WT1: variants seen among roughly 807,000 people sequenced by gnomAD.
WT1 encodes the protein Wilms tumor protein.
Under a neutral mutation model 60.8 loss-of-function variants are expected in WT1, and 8 were observed. The observed-to-expected ratio is 0.13, with a 90% CI of 0.08 to 0.24. WT1 has a LOEUF of 0.24. Ranked by LOEUF, WT1 falls within the 10% of genes least tolerant of loss-of-function variation. The pLI is 1.00. For missense variants in WT1, 568 were observed against 711.8 expected (o/e 0.80, Z 2.30); for synonymous variants, 312 against 297.1 (o/e 1.05, Z -0.52).
At chr11:32,431,293 C>T (rs1853300633) in intron 1 of WT1, among the ~76,000 whole-genome samples, 1 of 152,170 alleles carries the variant, frequency 6.6e-6, no homozygotes, top group Admixed American at 6.5e-5. Flanking sequence ...CCTGTGTGAC[C>T]GGAAGAGGGA....
At chr11:32,430,925 G>T in intron 1 of WT1, 1 of 1,027,272 alleles carries the variant, frequency 9.7e-7, no homozygotes. Flanking sequence ...GAGTGCGGGG[G>T]CAGGGGCCAG....
chr11:32,430,818 G>A, intron 1 of WT1: 1 of 1,293,096 alleles, frequency 7.7e-7, no homozygotes, highest in Non-Finnish European at 9.8e-7. Context: ...GAAAGCGCCT[G>A]CGGAGCGGAG....
chr11:32,408,920 A>C (rs539541208), intron 5 of WT1, among the ~76,000 whole-genome samples: 1 of 152,358 alleles, frequency 6.6e-6, no homozygotes, highest in African/African-American at 2.4e-5. Context: ...TGAATTAATC[A>C]GCCCTAAGAG....
intron 1 of WT1, among the ~76,000 whole-genome samples, chr11:32,433,170 G>T (rs1456906353): frequency 6.6e-6 from 1 of 152,218 alleles, no homozygotes; most frequent in Non-Finnish European, 1.5e-5. Flanking sequence ...AAACAAAGGT[G>T]GCGCGATCTG....
At chr11:32,418,023 G>A (rs982572835) in intron 3 of WT1, among the ~76,000 whole-genome samples, 10 of 152,034 alleles carry the variant, frequency 6.6e-5, no homozygotes, top group Admixed American at 1.3e-4. Flanking sequence ...GGAGCTGAAA[G>A]TAAAGACAGC....
Position 32,435,072 on chromosome 11 carries a change from A to AGCC in WT1, c.286_288dup (p.Gly96dup), listed in dbSNP as rs770519620. The AGCC allele has an allele frequency of 4.0e-6, 6 of 1,488,054 alleles. No individual in the cohort carries two copies. The highest frequency in any genetic ancestry group is 5.3e-6 in the Non-Finnish European group (6 of 1,128,626). 92.2% of individuals were successfully genotyped at this position (1,488,054 alleles called of 1,614,324 possible). On this transcript the variant is annotated inframe_insertion, in exon 1 of 10. Coordinates refer to ENST00000452863, the MANE Select transcript of WT1 (RefSeq NM_024426.6). ...GCCGCGCCGCTCACAGGCAGGGCACAGCCGCCGCCGCCACCCAGGGAGGGG... is the reference window on the plus strand; with the variant it reads ...GCCGCGCCGCTCACAGGCAGGGCACAGCCGCCGCCGCCGCCACCCAGGGAGGGG...
In WT1 at chr11:32,417,564, G is replaced by A. The variant is rs1159065961; in HGVS notation, c.965+13C>T. 1.9e-6 allele frequency: 3 copies of A among 1,610,824 alleles called. No individual in the cohort carries two copies. The highest frequency in any genetic ancestry group is 4.5e-5 in the East Asian group (2 of 44,834). On this transcript the variant is annotated intron_variant, in intron 4 of 9. Transcript: ENST00000452863. ...GTTACTGTGGAAAGGCAATGGAATA[G>A]AGAAAACCTTACCCCTTTAAGGTGG...
At chr11:32,433,968 C>T (rs1224836796) in intron 1 of WT1, among the ~76,000 whole-genome samples, 2 of 152,250 alleles carry the variant, frequency 1.3e-5, no homozygotes, top group Non-Finnish European at 2.9e-5. Context: ...AACCTGGTCC[C>T]GCATAGCTTG....
In WT1 at chr11:32,428,636, G is replaced by A. The variant is rs776846827; in HGVS notation, c.662-17C>T. 2.4e-5 allele frequency: 39 copies of A among 1,610,868 alleles called. No homozygotes were observed. The highest frequency in any genetic ancestry group is 3.2e-5 in the Non-Finnish European group (38 of 1,179,816). ...TGCTGTAACCTGCGGGAGCGGCGGA[G>A]AGAAGCACAGTGTCAGCGGTGCTCT... is the stretch of plus-strand genomic sequence containing the variant. On this transcript the variant is annotated splice_polypyrimidine_tract_variant and intron_variant, in intron 1 of 9. Transcript: ENST00000452863.
At chr11:32,403,591 T>C (rs1399832944) in intron 5 of WT1, among the ~76,000 whole-genome samples, 1 of 130,596 alleles carries the variant, frequency 7.7e-6, no homozygotes, top group East Asian at 2.9e-4. Context: ...TTTTTTTTTT[T>C]TGAGACAGAG....
intron 9 of WT1, among the ~76,000 whole-genome samples, chr11:32,390,683 G>C (rs539653602): frequency 1.3e-5 from 2 of 152,230 alleles, no homozygotes; most frequent in South Asian, 4.2e-4. Context: ...GCTCCTAATG[G>C]ACTAATCCCA....
Position 32,399,959 on chromosome 11 carries a change from T to C in WT1, c.1102A>G (p.Arg368Gly). The C allele has an allele frequency of 4.3e-6, 7 of 1,614,204 alleles. No homozygotes were observed. Among genetic ancestry groups the C allele is most frequent in the Non-Finnish European group, 5.9e-6 (7 of 1,180,034 alleles). The change falls in exon 6 of 10, where the codon AGA becomes GGA. Residue 368 changes from arginine to glycine, a missense_variant. Physicochemically the swap from Arg to Gly is moderately radical, Grantham distance 125. Transcript: ENST00000452863. ...GTCTGTGTGCTCACCTGAATGCCTC[T>C]GAAGACACCGTGCGTGTGTATTCTG...
intron 4 of WT1, among the ~76,000 whole-genome samples, chr11:32,416,808 A>G (rs137863749): frequency 2.0e-5 from 3 of 152,294 alleles, no homozygotes; most frequent in African/African-American, 7.2e-5. Context: ...CCTGGGAAGT[A>G]ACTTAACCCT....
chr11:32,409,782 A>G (rs1346504892), intron 5 of WT1, among the ~76,000 whole-genome samples: 1 of 151,930 alleles, frequency 6.6e-6, no homozygotes, highest in Non-Finnish European at 1.5e-5. Context: ...TTACTAGATG[A>G]TCTATCCCAG....
intron 6 of WT1, among the ~76,000 whole-genome samples, chr11:32,397,797 A>G (rs1389034272): frequency 4.6e-5 from 7 of 152,216 alleles, no homozygotes; most frequent in Admixed American, 4.6e-4. Context: ...GACATACAAC[A>G]CAACATTGAT....
intron 3 of WT1, among the ~76,000 whole-genome samples, chr11:32,425,789 A>G (rs1853015347): frequency 6.6e-6 from 1 of 152,242 alleles, no homozygotes; most frequent in African/African-American, 2.4e-5. Flanking sequence ...AACAGGACCA[A>G]AGAAAGTTCC....
At chr11:32,395,939 A>G (rs1329152188) in intron 7 of WT1, among the ~76,000 whole-genome samples, 1 of 152,166 alleles carries the variant, frequency 6.6e-6, no homozygotes, top group Non-Finnish European at 1.5e-5. Context: ...TTCCCAGGCC[A>G]GCTCCTCTCT....
Position 32,388,575 on chromosome 11 carries a change from C to G in WT1, c.*483G>C. ...TGTTAGACAAGATTCACCCCCGATG[C>G]CTTGCTCTCTGATTTATTTCTTGCT... On this transcript the variant is annotated 3_prime_UTR_variant, in exon 10 of 10. Transcript: ENST00000452863. The G allele has an allele frequency of 4.0e-6, 1 of 251,814 alleles. No homozygotes were observed. The highest frequency in any genetic ancestry group is 4.9e-5 in the Admixed American group (1 of 20,500). 15.6% of individuals were successfully genotyped at this position (251,814 alleles called of 1,614,324 possible). A position where few individuals can be genotyped will look rare whatever the true frequency, so the allele number is the denominator to read the frequency against.
chr11:32,389,328 A>G, intron 9 of WT1, 149 bp from the exon 10 acceptor site: 1 of 1,356,042 alleles, frequency 7.4e-7, no homozygotes. Flanking sequence ...CTCATTTCCC[A>G]GGCAGCCTTG....
Sources: allele counts gnomAD v4.1 joint callset (sites outside exome capture counted in the v4.1 genomes callset), GRCh38; gene constraint gnomAD v4.1.1; transcripts MANE v1.5; gene names NCBI Gene and HGNC (gene_info 2026-07-23, HGNC 2026-07-21).